ENTREP1: variants seen among roughly 807,000 people sequenced by gnomAD.
ENTREP1 encodes endosomal transmembrane epsin interactor 1, also known as Friedreich ataxia region gene X123.
chr9:69,356,822 T>G, the ENTREP1 span, among the ~76,000 whole-genome samples: 1 of 152,302 alleles, frequency 6.6e-6, no homozygotes. Flanking sequence ...TGTGACTCTG[T>G]CCTGGTCTTG....
At chr9:69,374,017 G>A in the ENTREP1 span, among the ~76,000 whole-genome samples, 2 of 152,096 alleles carry the variant, frequency 1.3e-5, no homozygotes, top group African/African-American at 2.4e-5. Context: ...TTTTCAGGCA[G>A]TCTCTACTCT....
At chr9:69,384,007 T>G in the ENTREP1 span, 1 of 1,611,002 alleles carries the variant, frequency 6.2e-7, no homozygotes, top group Non-Finnish European at 8.5e-7. Context: ...GGATCTGGGC[T>G]GCACACAAGT....
the ENTREP1 span, among the ~76,000 whole-genome samples, chr9:69,340,756 T>C: frequency 2.0e-5 from 2 of 99,336 alleles, no homozygotes. Flanking sequence ...TTTGTGTGTG[T>C]GCGTGCATGT....
the ENTREP1 span, among the ~76,000 whole-genome samples, chr9:69,350,569 C>A: frequency 6.6e-6 from 1 of 152,164 alleles, no homozygotes; most frequent in South Asian, 2.1e-4. Context: ...AAATTAAATC[C>A]ATTTTTTCTT....
chr9:69,373,030 A>G, the ENTREP1 span, among the ~76,000 whole-genome samples: 1 of 108,090 alleles, frequency 9.3e-6, no homozygotes, highest in Non-Finnish European at 2.2e-5. Flanking sequence ...AAATTGAGTT[A>G]TTTTTTTTTT....
the ENTREP1 span, among the ~76,000 whole-genome samples, chr9:69,332,795 A>G: frequency 6.6e-6 from 1 of 152,068 alleles, no homozygotes; most frequent in Admixed American, 6.5e-5. Context: ...TAGAAACTTC[A>G]CTCCTGGGAC....
chr9:69,341,665 A>G, the ENTREP1 span, among the ~76,000 whole-genome samples: 1 of 152,094 alleles, frequency 6.6e-6, no homozygotes, highest in Non-Finnish European at 1.5e-5. Context: ...TGTGAGATAG[A>G]TTGTGGTCTT....
the ENTREP1 span, chr9:69,377,537 C>T: frequency 8.1e-5 from 131 of 1,608,098 alleles, no homozygotes; most frequent in Middle Eastern, 3.3e-4. Context: ...TGGACCCCTT[C>T]GTGTCATCCA....
chr9:69,328,281 C>A, the ENTREP1 span, among the ~76,000 whole-genome samples: 1 of 152,172 alleles, frequency 6.6e-6, no homozygotes, highest in African/African-American at 2.4e-5. Flanking sequence ...GGAAGCAAAT[C>A]TCAGGTGTCA....
chr9:69,337,005 CTTTTTTTTTTTTTTTTTT>C, the ENTREP1 span, among the ~76,000 whole-genome samples: 3 of 56,000 alleles, frequency 5.4e-5, no homozygotes, highest in East Asian at 5.2e-4. Flanking sequence ...GCTGTTATTC[CTTTTTTTTTTTTTTTTTT>C]TTTTTTTTTT....
At chr9:69,342,016 A>T in the ENTREP1 span, among the ~76,000 whole-genome samples, 1 of 152,074 alleles carries the variant, frequency 6.6e-6, no homozygotes, top group South Asian at 2.1e-4. Flanking sequence ...AGTCCTCTTT[A>T]GTTACCTCGA....
At chr9:69,341,793 A>C in the ENTREP1 span, among the ~76,000 whole-genome samples, 2 of 152,138 alleles carry the variant, frequency 1.3e-5, no homozygotes, top group African/African-American at 2.4e-5. Context: ...GAGTTCTTTC[A>C]AGTACATTTC....
chr9:69,336,257 T>A, the ENTREP1 span: 1 of 1,587,768 alleles, frequency 6.3e-7, no homozygotes, highest in Non-Finnish European at 8.6e-7. Context: ...GGAAAAGGCC[T>A]ATGATACTCC....
the ENTREP1 span, among the ~76,000 whole-genome samples, chr9:69,358,914 T>G: frequency 6.9e-6 from 1 of 145,954 alleles, no homozygotes; most frequent in African/African-American, 2.5e-5. Context: ...TTTTTTTTTT[T>G]TTTTTTTGAG....
At chr9:69,366,095 A>T in the ENTREP1 span, among the ~76,000 whole-genome samples, 2 of 152,092 alleles carry the variant, frequency 1.3e-5, no homozygotes, top group Middle Eastern at 3.2e-3. Flanking sequence ...TTTTTTGAGG[A>T]ATCTCCATAC....
chr9:69,350,425 T>C, the ENTREP1 span, among the ~76,000 whole-genome samples: 1 of 152,202 alleles, frequency 6.6e-6, no homozygotes, highest in African/African-American at 2.4e-5. Flanking sequence ...ATCATATTCT[T>C]TTTGCTAGTT....
the ENTREP1 span, among the ~76,000 whole-genome samples, chr9:69,389,222 G>A: frequency 2.0e-5 from 3 of 152,176 alleles, no homozygotes; most frequent in Admixed American, 6.5e-5. Context: ...CCACAATGGC[G>A]TATGGATGTT....
the ENTREP1 span, chr9:69,324,616 C>G: frequency 7.1e-6 from 7 of 985,414 alleles, no homozygotes; most frequent in Non-Finnish European, 8.4e-6. Context: ...GAAAGCACTC[C>G]CGCGCCGATG....
the ENTREP1 span, chr9:69,325,732 C>G: frequency 3.3e-6 from 4 of 1,213,714 alleles, no homozygotes; most frequent in Non-Finnish European, 4.1e-6. Flanking sequence ...CGGTGAGTAC[C>G]GCGCGCGCGC....
Sources: gnomAD v4.1 joint callset for allele counts (sites outside exome capture counted in the v4.1 genomes callset) on GRCh38, gnomAD v4.1.1 for gene constraint, MANE v1.5 for transcripts, NCBI Gene and HGNC (gene_info 2026-07-23, HGNC 2026-07-21) for gene names.